Variants in SORCS2 observed in about 807,000 individuals in gnomAD.
SORCS2 encodes the protein VPS10 domain-containing receptor SorCS2.
Under a neutral mutation model 141.6 loss-of-function variants are expected in SORCS2, and 100 were observed. The observed-to-expected ratio is 0.71, with a 90% CI of 0.60 to 0.83. The LOEUF (loss-of-function observed/expected upper bound fraction) is 0.83, where lower values mean the gene tolerates loss of function less well. SORCS2 is among the 40% of genes least tolerant of loss of function. The pLI is 0.00. For missense variants in SORCS2, 1,646 were observed against 1,560.2 expected, an observed-to-expected ratio of 1.05 and a Z score of -0.93; for synonymous variants, 789 against 676.9, an observed-to-expected ratio of 1.17 and a Z score of -2.57.
intron 18 of SORCS2, among the ~76,000 whole-genome samples, chr4:7,720,792 C>T (rs1213654856): frequency 1.3e-5 from 2 of 152,176 alleles, no homozygotes; most frequent in Admixed American, 6.5e-5. Flanking sequence ...GACATCACTG[C>T]GCACCTATCA....
chr4:7,688,320 G>A (rs967764619), intron 10 of SORCS2, among the ~76,000 whole-genome samples: 3 of 152,172 alleles, frequency 2.0e-5, no homozygotes, highest in Non-Finnish European at 4.4e-5. Context: ...TCCCAAGGCT[G>A]CCCAGAAAAT....
chr4:7,196,055 C>T (rs1003450641), intron 1 of SORCS2, among the ~76,000 whole-genome samples: 24 of 152,238 alleles, frequency 1.6e-4, no homozygotes, highest in African/African-American at 5.5e-4. Context: ...CTCATTGCTA[C>T]AGCTCCGTTT....
intron 1 of SORCS2, among the ~76,000 whole-genome samples, chr4:7,348,521 G>T (rs758031679): frequency 2.6e-5 from 4 of 152,128 alleles, no homozygotes; most frequent in Non-Finnish European, 5.9e-5. Flanking sequence ...AGACCATGTG[G>T]CTCATTAGGA....
At chr4:7,652,435 C>T (rs927680672) in intron 4 of SORCS2, among the ~76,000 whole-genome samples, 1 of 151,996 alleles carries the variant, frequency 6.6e-6, no homozygotes, top group Non-Finnish European at 1.5e-5. Context: ...AGGCCTGGGG[C>T]ACTGACCCAA....
chr4:7,489,196 C>G (rs1036507175), intron 2 of SORCS2, among the ~76,000 whole-genome samples: 1 of 152,170 alleles, frequency 6.6e-6, no homozygotes, highest in African/African-American at 2.4e-5. Context: ...GTTCCTTGAC[C>G]TTCTGTCTTT....
chr4:7,449,285 T>C (rs62277614), intron 2 of SORCS2, among the ~76,000 whole-genome samples: 24 of 2,112 alleles, frequency 0.011, no homozygotes, highest in Middle Eastern at 0.25. Flanking sequence ...CTCCCTCCCT[T>C]CCTCCCTCCC....
chr4:7,671,944 T>A (rs1006760962), intron 8 of SORCS2, among the ~76,000 whole-genome samples: 1 of 92,476 alleles, frequency 1.1e-5, no homozygotes, highest in Admixed American at 9.7e-5. Flanking sequence ...ACAGAAACTT[T>A]TTTTTTTTTT....
intron 10 of SORCS2, among the ~76,000 whole-genome samples, chr4:7,683,622 T>C (rs986749608): frequency 6.6e-6 from 1 of 152,190 alleles, no homozygotes; most frequent in African/African-American, 2.4e-5. Context: ...ATCAAGGACC[T>C]GGGAATTGTA....
intron 1 of SORCS2, among the ~76,000 whole-genome samples, chr4:7,235,173 G>A (rs76768564): frequency 0.028 from 4,222 of 152,312 alleles, 208 homozygotes; most frequent in African/African-American, 0.097. Context: ...GCAGATAGGC[G>A]GGAGGTGGCG....
intron 3 of SORCS2, among the ~76,000 whole-genome samples, chr4:7,584,961 G>A (rs1716438929): frequency 6.6e-6 from 1 of 152,190 alleles, no homozygotes; most frequent in South Asian, 2.1e-4. Flanking sequence ...TGCAGCGGGT[G>A]ATGTGAATCT....
At chr4:7,510,010 C>T (rs1182409371) in intron 2 of SORCS2, among the ~76,000 whole-genome samples, 3 of 152,228 alleles carry the variant, frequency 2.0e-5, no homozygotes, top group African/African-American at 4.8e-5. Flanking sequence ...TCACCCTTGA[C>T]GGTGAATTTA....
intron 3 of SORCS2, among the ~76,000 whole-genome samples, chr4:7,572,706 A>T (rs984609357): frequency 6.6e-6 from 1 of 152,186 alleles, no homozygotes; most frequent in African/African-American, 2.4e-5. Context: ...AGGACTGCAA[A>T]ATTTTATGTT....
chr4:7,359,666 T>C (rs1227012867), intron 1 of SORCS2, among the ~76,000 whole-genome samples: 1 of 152,240 alleles, frequency 6.6e-6, no homozygotes, highest in Admixed American at 6.5e-5. Flanking sequence ...CTGCTGCTGT[T>C]AGAGCATCAT....
At chr4:7,715,101 TC>T in intron 16 of SORCS2, 81 bp from the exon 17 acceptor site, 2 of 1,574,434 alleles carry the variant, frequency 1.3e-6, no homozygotes, top group Non-Finnish European at 1.7e-6. Context: ...CCTTCTCAGC[TC>T]CCCCAGATTT....
chr4:7,520,671 G>T (rs1218804496), intron 2 of SORCS2, among the ~76,000 whole-genome samples: 1 of 152,194 alleles, frequency 6.6e-6, no homozygotes, highest in Non-Finnish European at 1.5e-5. Flanking sequence ...GTGGCCCTAG[G>T]GGTGCTGCCC....
At chr4:7,429,112 T>C (rs751562700) in intron 2 of SORCS2, among the ~76,000 whole-genome samples, 1 of 152,172 alleles carries the variant, frequency 6.6e-6, no homozygotes, top group Non-Finnish European at 1.5e-5. Context: ...GACTTTTGAC[T>C]TGGTGCACTG....
At chr4:7,300,025 G>A (rs959208563) in intron 1 of SORCS2, among the ~76,000 whole-genome samples, 1 of 152,216 alleles carries the variant, frequency 6.6e-6, no homozygotes, top group African/African-American at 2.4e-5. Context: ...GTCTTTGGGG[G>A]TTGATAAGAA....
chr4:7,662,656 G>A (rs1284778877), intron 6 of SORCS2, among the ~76,000 whole-genome samples: 1 of 152,218 alleles, frequency 6.6e-6, no homozygotes, highest in African/African-American at 2.4e-5. Context: ...ATCACACCAC[G>A]TTGTCAGGGT....
At chr4:7,391,360 G>A (rs1352640482) in intron 1 of SORCS2, among the ~76,000 whole-genome samples, 3 of 152,160 alleles carry the variant, frequency 2.0e-5, no homozygotes, top group South Asian at 4.1e-4. Flanking sequence ...GGTTAGCCTC[G>A]GCTCCCTCCC....
Sources: allele counts gnomAD v4.1 joint callset (sites outside exome capture counted in the v4.1 genomes callset), GRCh38; gene constraint gnomAD v4.1.1; transcripts MANE v1.5; gene names NCBI Gene and HGNC (gene_info 2026-07-23, HGNC 2026-07-21).